CCSER1: variants seen among roughly 807,000 people sequenced by gnomAD.
CCSER1 encodes coiled-coil serine rich protein 1.
Under a neutral mutation model 82.0 loss-of-function variants are expected in CCSER1, and 41 were observed. That is an observed-to-expected ratio of 0.50 (90% CI 0.39 to 0.65). The LOEUF is 0.65. Ranked by LOEUF, CCSER1 falls within the 30% of genes least tolerant of loss-of-function variation. The pLI is 0.00. For synonymous variants in CCSER1, 414 were observed against 383.9 expected, an observed-to-expected ratio of 1.08 and a Z score of -0.92; for missense variants, 1,119 against 1,064.2, an observed-to-expected ratio of 1.05 and a Z score of -0.72.
At chr4:90,543,230 G>A (rs977698187) in intron 5 of CCSER1, among the ~76,000 whole-genome samples, 17 of 152,208 alleles carry the variant, frequency 1.1e-4, no homozygotes, top group Middle Eastern at 6.8e-3. Context: ...ACATGGAGCC[G>A]AAAGAATATA....
intron 9 of CCSER1, among the ~76,000 whole-genome samples, chr4:91,003,910 C>G (rs774746833): frequency 6.6e-6 from 1 of 152,186 alleles, no homozygotes; most frequent in Non-Finnish European, 1.5e-5. Flanking sequence ...GCTTCTTCCT[C>G]TACTTCTGCA....
chr4:91,370,184 A>T (rs1191086672), intron 10 of CCSER1, among the ~76,000 whole-genome samples: 1 of 152,192 alleles, frequency 6.6e-6, no homozygotes, highest in Admixed American at 6.6e-5. Context: ...GTCTACACTT[A>T]TAAAGAAAGA....
intron 2 of CCSER1, among the ~76,000 whole-genome samples, chr4:90,312,474 T>C (rs1053252650): frequency 1.3e-5 from 2 of 152,134 alleles, no homozygotes; most frequent in African/African-American, 4.8e-5. Context: ...GTAGATTGTG[T>C]TGCGGGTGGA....
intron 10 of CCSER1, among the ~76,000 whole-genome samples, chr4:91,442,868 A>C (rs1364548258): frequency 6.6e-6 from 1 of 152,228 alleles, no homozygotes; most frequent in Non-Finnish European, 1.5e-5. Context: ...AAACACATGA[A>C]AAACTGCTCA....
chr4:91,097,137 G>A (rs2148840800), intron 10 of CCSER1, among the ~76,000 whole-genome samples: 1 of 152,218 alleles, frequency 6.6e-6, no homozygotes, highest in Non-Finnish European at 1.5e-5. Context: ...CCTCAAAAAT[G>A]CCCAACCATC....
rs1378000759 is a variant in CCSER1 at position 91,464,226 on chromosome 4, A to C, written c.2218-134346A>C. ...AACATTTTAAAGAAAAGTATTTTCA[A>C]ACCAGAATTTCATATCCAGCCAAAC... On this transcript the variant is annotated intron_variant, in intron 10 of 10. Transcript: ENST00000509176. Among the ~76,000 whole-genome samples, 10 of 152,322 alleles carry C rather than the reference A, an allele frequency of 6.6e-5. No individual in the cohort carries two copies. In the East Asian group the frequency reaches 1.7e-3, roughly 26 times the overall value.
intron 5 of CCSER1, among the ~76,000 whole-genome samples, chr4:90,556,382 G>A (rs531121068): frequency 1.2e-4 from 18 of 152,148 alleles, no homozygotes; most frequent in African/African-American, 4.1e-4. Context: ...TCAGGTCTTA[G>A]GATATATATA....
chr4:90,695,037 A>AATATATATAT (rs111663265), intron 6 of CCSER1, among the ~76,000 whole-genome samples: 3 of 148,298 alleles, frequency 2.0e-5, no homozygotes. Context: ...CCATAATTAG[A>AATATATATAT]ATATATGTAT....
chr4:91,587,345 T>A (rs1764049228), intron 10 of CCSER1, among the ~76,000 whole-genome samples: 1 of 151,702 alleles, frequency 6.6e-6, no homozygotes, highest in Admixed American at 6.6e-5. Flanking sequence ...TTATTCCTTC[T>A]GCTTTTAGAA....
chr4:90,986,319 G>A (rs2150435119), intron 9 of CCSER1, among the ~76,000 whole-genome samples: 1 of 151,798 alleles, frequency 6.6e-6, no homozygotes, highest in East Asian at 2.0e-4. Context: ...TAACCTTGAT[G>A]TTTTTAATAC....
intron 5 of CCSER1, among the ~76,000 whole-genome samples, chr4:90,602,623 T>C (rs147452395): frequency 4.5e-4 from 69 of 152,320 alleles, no homozygotes; most frequent in African/African-American, 1.6e-3. Flanking sequence ...TTTTCATGGA[T>C]TTGACCAATA....
chr4:91,248,814 A>C (rs561499765), intron 10 of CCSER1, among the ~76,000 whole-genome samples: 9 of 152,286 alleles, frequency 5.9e-5, no homozygotes, highest in African/African-American at 1.9e-4. Context: ...CACTATACAA[A>C]TATAAGATAT....
At chr4:91,538,520 A>G (rs1283337205) in intron 10 of CCSER1, among the ~76,000 whole-genome samples, 1 of 151,518 alleles carries the variant, frequency 6.6e-6, no homozygotes, top group African/African-American at 2.4e-5. Context: ...GCTTAGAAAA[A>G]ATGAGGAAGC....
At chr4:90,282,210 T>G (rs989014223) in intron 1 of CCSER1, among the ~76,000 whole-genome samples, 1 of 151,996 alleles carries the variant, frequency 6.6e-6, no homozygotes, top group Non-Finnish European at 1.5e-5. Context: ...TTGTTGATAT[T>G]TTGTTATAAA....
intron 5 of CCSER1, among the ~76,000 whole-genome samples, chr4:90,587,235 T>G (rs1339532172): frequency 6.6e-6 from 1 of 152,214 alleles, no homozygotes; most frequent in East Asian, 1.9e-4. Flanking sequence ...AGACTTCTGC[T>G]CTACAGAACT....
At chr4:90,163,506 CTTTGAGT>C (rs1471948348) in intron 1 of CCSER1, among the ~76,000 whole-genome samples, 1 of 152,030 alleles carries the variant, frequency 6.6e-6, no homozygotes, top group Non-Finnish European at 1.5e-5. Flanking sequence ...AAAAAGACTA[CTTTGAGT>C]TATAAACCCA....
Position 91,259,904 on chromosome 4 carries a change from G to C in CCSER1, c.2217+173910G>C, listed in dbSNP as rs1740979485. 5.3e-5 allele frequency among the ~76,000 whole-genome samples: 8 copies of C among 152,252 alleles called. No homozygotes were observed. The South Asian group carries it at 1.7e-3, about 32-fold the overall frequency. ...GAATAGTGCTGCAATAAACATACAT[G>C]TGCATGTAAGACCTTGGTATTCTTA... is the stretch of plus-strand genomic sequence containing the variant. On this transcript the variant is annotated intron_variant, in intron 10 of 10. Transcript: ENST00000509176.
At chr4:91,442,353 C>G (rs1315120111) in intron 10 of CCSER1, among the ~76,000 whole-genome samples, 1 of 151,948 alleles carries the variant, frequency 6.6e-6, no homozygotes, top group East Asian at 1.9e-4. Context: ...ACAAACCTGA[C>G]AAAAACAAGC....
chr4:90,355,391 T>TA (rs1265705226), intron 3 of CCSER1, among the ~76,000 whole-genome samples: 4 of 151,970 alleles, frequency 2.6e-5, no homozygotes, highest in African/African-American at 9.6e-5. Flanking sequence ...ATTTTTAACT[T>TA]ACTTTGTGTT....
Sources: allele counts gnomAD v4.1 joint callset (sites outside exome capture counted in the v4.1 genomes callset), GRCh38; gene constraint gnomAD v4.1.1; transcripts MANE v1.5; gene names NCBI Gene and HGNC (gene_info 2026-07-23, HGNC 2026-07-21).